Variants in ZNF608 observed in about 807,000 individuals in gnomAD.
ZNF608 encodes the protein renal carcinoma antigen NY-REN-36.
A neutral mutation model predicts 109.0 loss-of-function variants in ZNF608; 12 were observed. The observed-to-expected ratio is 0.11, with a 90% confidence interval of 0.07 to 0.18. The LOEUF is 0.18. Ranked by LOEUF, ZNF608 falls within the 10% of genes least tolerant of loss-of-function variation. The probability of loss-of-function intolerance (pLI) is 1.00; values close to 1 mark genes in which losing one functional copy is unlikely to be tolerated. For missense variants in ZNF608, 1,707 were observed against 1,879.3 expected, an observed-to-expected ratio of 0.91 and a Z score of 1.70; for synonymous variants, 732 against 717.4, an observed-to-expected ratio of 1.02 and a Z score of -0.33.
chr5:124,727,081 C>T (rs937851791), intron 2 of ZNF608, among the ~76,000 whole-genome samples: 10 of 152,322 alleles, frequency 6.6e-5, no homozygotes, highest in Middle Eastern at 3.4e-3. Context: ...CAACTTCATC[C>T]CTTTACCTAT....
At chr5:124,702,500 G>GT (rs1438573724) in intron 2 of ZNF608, among the ~76,000 whole-genome samples, 1 of 94,424 alleles carries the variant, frequency 1.1e-5, no homozygotes, top group African/African-American at 3.7e-5. Context: ...GTTGGGTTTT[G>GT]GTTTTTTTTT....
At position 124,647,834 on chromosome 5, in the gene ZNF608, A is replaced by G. The variant is rs1212211965; in HGVS notation, c.2550T>C (p.Pro850=). ...EDSKGASKDL[P]GHFLKDHLNK... is the part of the protein sequence containing the mutation. ...TGAGATGATCCTTTAAAAAATGCCC[A>G]GGTAAATCTTTGCTGGCCCCCTTGG... Residue 850 remains proline (P), a synonymous_variant, in exon 5 of 10, where the codon CCT becomes CCC. Coordinates refer to ENST00000513986, the MANE Select transcript of ZNF608 (RefSeq NM_020747.3). 1.9e-5 allele frequency: 31 copies of G among 1,614,102 alleles called. No individual in the cohort carries two copies. The highest frequency in any genetic ancestry group is 3.3e-5 in the Admixed American group (2 of 60,012).
At chr5:124,652,562 C>T (rs1156293509) in intron 3 of ZNF608, among the ~76,000 whole-genome samples, 1 of 152,124 alleles carries the variant, frequency 6.6e-6, no homozygotes, top group Non-Finnish European at 1.5e-5. Flanking sequence ...GTTTACACAG[C>T]CAAATCTGCC....
intron 2 of ZNF608, among the ~76,000 whole-genome samples, chr5:124,725,611 CAT>C (rs1290657054): frequency 6.6e-6 from 1 of 152,096 alleles, no homozygotes; most frequent in Non-Finnish European, 1.5e-5. Flanking sequence ...CTGTCTATGA[CAT>C]GTGTATTTTT....
At chr5:124,659,207 T>C (rs1263376831) in intron 3 of ZNF608, among the ~76,000 whole-genome samples, 1 of 151,920 alleles carries the variant, frequency 6.6e-6, no homozygotes, top group African/African-American at 2.4e-5. Context: ...CACGATGCCA[T>C]TACTTCGACT....
At chr5:124,731,238 T>A (rs1748880530) in intron 2 of ZNF608, among the ~76,000 whole-genome samples, 1 of 152,094 alleles carries the variant, frequency 6.6e-6, no homozygotes, top group African/African-American at 2.4e-5. Context: ...TGAGACGGAG[T>A]CTCGCTCTGT....
At chr5:124,683,672 T>C (rs1752293041) in intron 3 of ZNF608, among the ~76,000 whole-genome samples, 1 of 152,208 alleles carries the variant, frequency 6.6e-6, no homozygotes, top group Non-Finnish European at 1.5e-5. Context: ...TAGAGCTATG[T>C]GGCTGTTTAA....
At chr5:124,645,096 C>T (rs1750435984) in intron 5 of ZNF608, among the ~76,000 whole-genome samples, 1 of 152,180 alleles carries the variant, frequency 6.6e-6, no homozygotes, top group East Asian at 1.9e-4. Flanking sequence ...AACTCCAACT[C>T]AAGCTAATAA....
intron 3 of ZNF608, among the ~76,000 whole-genome samples, chr5:124,665,972 C>T (rs1384913071): frequency 6.6e-6 from 1 of 152,136 alleles, no homozygotes; most frequent in African/African-American, 2.4e-5. Flanking sequence ...GAAAACAGAG[C>T]TTTTATAAAA....
At chr5:124,746,088 T>C (rs1218158257) in intron 1 of ZNF608, 107 bp downstream of exon 1, 1 of 981,422 alleles carries the variant, frequency 1.0e-6, no homozygotes, top group African/African-American at 1.8e-5. Flanking sequence ...AAAGAGCAGT[T>C]AAAACGGTTT....
intron 2 of ZNF608, among the ~76,000 whole-genome samples, chr5:124,729,603 T>C (rs1200983512): frequency 2.6e-5 from 4 of 152,250 alleles, no homozygotes; most frequent in African/African-American, 9.6e-5. Context: ...GTTCCTTGAC[T>C]GTAAATACTG....
In ZNF608 at chr5:124,654,253, C is replaced by T. The variant is rs114445774; in HGVS notation, c.1163-4556G>A. 4.0e-3 allele frequency among the ~76,000 whole-genome samples: 608 copies of T among 152,040 alleles called. 1 individual carries two copies. The highest frequency in any genetic ancestry group is 0.013 in the African/African-American group (554 of 41,440). On this transcript the variant is annotated intron_variant, in intron 3 of 9. Coordinates refer to ENST00000513986, the MANE Select transcript of ZNF608 (RefSeq NM_020747.3). The stretch of plus-strand genomic sequence containing the variant: ...CCCAGGGTGGTCTTGAACTCCTGGC[C>T]TCAAGCAATCCTCCCCCGTCAGCCT...
chr5:124,715,271 A>AC lies in ZNF608; in HGVS notation c.907-14003_907-14002insG, dbSNP rs1409643131. On this transcript the variant is annotated intron_variant, in intron 2 of 9. Transcript: ENST00000513986. ...TCAGCTCATTTACTCTTTAACACAC[A>AC]AAAAAAAATGATGCCACAAAGAAAT... Among the ~76,000 whole-genome samples, 13 of 150,584 alleles carry AC rather than the reference A, an allele frequency of 8.6e-5. No individual in the cohort carries two copies. In the South Asian group the frequency reaches 2.5e-3, roughly 29 times the overall value.
At chr5:124,639,273 G>A (rs1315212056) in intron 8 of ZNF608, 59 bp from the exon 9 acceptor site, 22 of 1,503,950 alleles carry the variant, frequency 1.5e-5, no homozygotes, top group Non-Finnish European at 1.8e-5. Flanking sequence ...GTAGATACAG[G>A]CCCAGTGGAG....
At chr5:124,717,226 G>T (rs1005447016) in intron 2 of ZNF608, among the ~76,000 whole-genome samples, 1 of 152,008 alleles carries the variant, frequency 6.6e-6, no homozygotes, top group Non-Finnish European at 1.5e-5. Flanking sequence ...AGCATTTTGG[G>T]AGGCCTAGGT....
chr5:124,642,176 A>G (rs938880234), intron 7 of ZNF608, among the ~76,000 whole-genome samples: 2 of 152,156 alleles, frequency 1.3e-5, no homozygotes, highest in African/African-American at 4.8e-5. Flanking sequence ...ATTTTAATTT[A>G]CTTTAAACTC....
At chr5:124,747,664 CAAGTTATG>C (rs935565764), upstream of ZNF608, among the ~76,000 whole-genome samples, 4 of 151,320 alleles carry the variant, frequency 2.6e-5, no homozygotes, top group Non-Finnish European at 5.9e-5. Flanking sequence ...GGCGAAGCTA[CAAGTTATG>C]AATGTGAAAC....
At chr5:124,721,972 A>AAAAAAG (rs1753937575) in intron 2 of ZNF608, among the ~76,000 whole-genome samples, 1 of 144,116 alleles carries the variant, frequency 6.9e-6, no homozygotes, top group African/African-American at 2.6e-5. Flanking sequence ...AAAAAAAAAA[A>AAAAAAG]GAACTCAAAG....
At chr5:124,694,236 G>T (rs576029810) in intron 3 of ZNF608, among the ~76,000 whole-genome samples, 14 of 137,516 alleles carry the variant, frequency 1.0e-4, no homozygotes, top group Non-Finnish European at 1.8e-4. Flanking sequence ...CTCCTGATCC[G>T]CCCGCCTCGG....
Sources: allele counts gnomAD v4.1 joint callset (sites outside exome capture counted in the v4.1 genomes callset), GRCh38; gene constraint gnomAD v4.1.1; transcripts MANE v1.5; gene names NCBI Gene and HGNC (gene_info 2026-07-23, HGNC 2026-07-21).